BCL11B: variants seen among roughly 807,000 people sequenced by gnomAD.
BCL11B encodes the protein B-cell lymphoma/leukemia 11B.
In BCL11B, 8 loss-of-function variants were observed where a neutral mutation model predicts 49.9. The observed-to-expected ratio is 0.16, with a 90% CI of 0.09 to 0.29. The LOEUF (loss-of-function observed/expected upper bound fraction) is 0.29, where lower values mean the gene tolerates loss of function less well. Ranked by LOEUF, BCL11B falls within the 10% of genes least tolerant of loss-of-function variation. BCL11B has a pLI of 1.00. For synonymous variants in BCL11B, 739 were observed against 637.4 expected, an observed-to-expected ratio of 1.16 and a Z score of -2.40; for missense variants, 1,006 against 1,351.0, an observed-to-expected ratio of 0.74 and a Z score of 4.00.
chr14:99,244,664 G>C (rs1375553452), intron 2 of BCL11B, among the ~76,000 whole-genome samples: 1 of 152,180 alleles, frequency 6.6e-6, no homozygotes, highest in East Asian at 1.9e-4. Flanking sequence ...CCCAAGTGTT[G>C]AATTTGTTAC....
chr14:99,200,368 G>A (rs1887341516), intron 3 of BCL11B, among the ~76,000 whole-genome samples: 1 of 152,220 alleles, frequency 6.6e-6, no homozygotes, highest in East Asian at 1.9e-4. Context: ...CCAGGGCCGT[G>A]CCAGGCCAAG....
At position 99,242,938 on chromosome 14, in the gene BCL11B, C is replaced by T. The variant is rs1180049508; in HGVS notation, c.428-11381G>A. ...GCCAATTTTTGTTAGCTCTGAGAGG[C>T]GGTGAGAATTTCCTCACTGGTCCGC... On this transcript the variant is annotated intron_variant, in intron 2 of 3. Coordinates refer to ENST00000357195, the MANE Select transcript of BCL11B (RefSeq NM_138576.4). The surrounding 1 kb of genome is among the most constrained non-coding windows in gnomAD (Gnocchi z 4.4). Among the ~76,000 whole-genome samples, 3 of 152,148 alleles carry T rather than the reference C, an allele frequency of 2.0e-5. No individual in the cohort carries two copies. Among genetic ancestry groups the T allele is most frequent in the African/African-American group, 4.8e-5 (2 of 41,438 alleles).
chr14:99,225,737 G>A (rs1322256879), intron 3 of BCL11B, among the ~76,000 whole-genome samples: 2 of 152,192 alleles, frequency 1.3e-5, no homozygotes, highest in Non-Finnish European at 2.9e-5. Flanking sequence ...GTATGGATTT[G>A]AACAGAATTC....
chr14:99,245,723 G>A (rs1441331310), intron 2 of BCL11B, among the ~76,000 whole-genome samples: 10 of 152,170 alleles, frequency 6.6e-5, no homozygotes, highest in African/African-American at 2.4e-4. Flanking sequence ...CATTCCCCAT[G>A]CCCGAGAAGG....
At chr14:99,230,417 C>T (rs1427075071) in intron 3 of BCL11B, among the ~76,000 whole-genome samples, 2 of 152,252 alleles carry the variant, frequency 1.3e-5, no homozygotes, top group Non-Finnish European at 2.9e-5. Flanking sequence ...GCCACAGAAA[C>T]CAGGCCACGG....
chr14:99,211,084 C>A (rs898536349), intron 3 of BCL11B, among the ~76,000 whole-genome samples: 2 of 152,184 alleles, frequency 1.3e-5, no homozygotes, highest in Non-Finnish European at 2.9e-5. Flanking sequence ...CCGTCCTGAG[C>A]CATCCACACA....
chr14:99,221,545 T>TAG (rs1295425271), intron 3 of BCL11B, among the ~76,000 whole-genome samples: 1 of 152,208 alleles, frequency 6.6e-6, no homozygotes, highest in African/African-American at 2.4e-5. Flanking sequence ...CCTTGGCTGT[T>TAG]CCTACTCACA....
intron 3 of BCL11B, among the ~76,000 whole-genome samples, chr14:99,208,225 A>T (rs1209598281): frequency 6.6e-6 from 1 of 152,120 alleles, no homozygotes; most frequent in African/African-American, 2.4e-5. Flanking sequence ...TTGGAGTGGC[A>T]CAATTTGAAC....
chr14:99,197,745 G>GAC (rs1426912749), intron 3 of BCL11B, among the ~76,000 whole-genome samples: 1 of 152,202 alleles, frequency 6.6e-6, no homozygotes, highest in Non-Finnish European at 1.5e-5. Context: ...GAAGCAGACA[G>GAC]ACGGCTGGAG....
chr14:99,205,460 C>T lies in BCL11B; in HGVS notation c.640+25885G>A, dbSNP rs554768876. 9.9e-5 allele frequency among the ~76,000 whole-genome samples: 15 copies of T among 152,282 alleles called. No individual in the cohort carries two copies. Among genetic ancestry groups the T allele is most frequent in the African/African-American group, 1.7e-4 (7 of 41,564 alleles). On this transcript the variant is annotated intron_variant, in intron 3 of 3. Coordinates refer to ENST00000357195, the MANE Select transcript of BCL11B (RefSeq NM_138576.4). This position sits in a 1 kb window ranked among gnomAD's most constrained non-coding sequence, Gnocchi z 5.0. Reference sequence around the variant, plus strand: ...CACTTCTACAATGACTGGTTAAATGCGCCCAAGGACCAGGCGCTCGCTACA... The same window carrying T: ...CACTTCTACAATGACTGGTTAAATGTGCCCAAGGACCAGGCGCTCGCTACA...
intron 3 of BCL11B, among the ~76,000 whole-genome samples, chr14:99,208,992 G>A (rs542955375): frequency 9.0e-4 from 137 of 152,298 alleles, no homozygotes; most frequent in Middle Eastern, 3.4e-3. Context: ...GACACCTCCC[G>A]GGAAGCAGAG....
intron 2 of BCL11B, among the ~76,000 whole-genome samples, chr14:99,254,448 C>T (rs1488005530): frequency 6.6e-6 from 1 of 152,188 alleles, no homozygotes; most frequent in Non-Finnish European, 1.5e-5. Flanking sequence ...TCTAGAAGCA[C>T]CTGGTAGCAA....
At chr14:99,207,408 C>CT (rs1404309228) in intron 3 of BCL11B, among the ~76,000 whole-genome samples, 4 of 152,152 alleles carry the variant, frequency 2.6e-5, no homozygotes, top group Non-Finnish European at 5.9e-5. Flanking sequence ...GTCCCTCTAG[C>CT]TGAGACCTTG....
At position 99,231,617 on chromosome 14, in the gene BCL11B, G is replaced by T. The variant is rs933685848; in HGVS notation, c.428-60C>A. ...GGGCCCTGGACTGTGTGAGGGGCAC[G>T]GGGTGGGACGGGGCTCGGGGCGTGG... is the stretch of plus-strand genomic sequence containing the variant. On this transcript the variant is annotated intron_variant, in intron 2 of 3. Transcript: ENST00000357195. The surrounding 1 kb of genome is among the most constrained non-coding windows in gnomAD (Gnocchi z 8.1). 1.2e-5 allele frequency: 18 copies of T among 1,500,074 alleles called. No individual in the cohort carries two copies. In the South Asian group the frequency reaches 1.8e-4, roughly 15 times the overall value. 92.9% of individuals were successfully genotyped at this position (1,500,074 alleles called of 1,614,324 possible).
At position 99,172,343 on chromosome 14, in the gene BCL11B, T is replaced by C. The variant is rs1886318148; in HGVS notation, c.*1808A>G. On this transcript the variant is annotated 3_prime_UTR_variant, in exon 4 of 4. Transcript: ENST00000357195. ...TGGATGTCCAAGGTTGTGCTGGGTT[T>C]ATTTCTTCATTTGATTGGGTCTTAT... 3 of 225,244 alleles carry C rather than the reference T, an allele frequency of 1.3e-5. No homozygotes were observed. In the South Asian group the frequency reaches 5.5e-4, roughly 41 times the overall value. 14.0% of individuals were successfully genotyped at this position (225,244 alleles called of 1,614,324 possible).
Position 99,247,895 on chromosome 14 carries a change from A to AT in BCL11B, c.427+9575dup, listed in dbSNP as rs1888893290. Among the ~76,000 whole-genome samples the AT allele has an allele frequency of 6.6e-6, 1 of 152,170 alleles. No individual in the cohort carries two copies. Among genetic ancestry groups the AT allele is most frequent in the Non-Finnish European group, 1.5e-5 (1 of 68,006 alleles). On this transcript the variant is annotated intron_variant, in intron 2 of 3. Transcript: ENST00000357195. This position sits in a 1 kb window ranked among gnomAD's most constrained non-coding sequence, Gnocchi z 4.5. The stretch of plus-strand genomic sequence containing the variant: ...AGGCACTCAGCCCCCAGGGCAGGGG[A>AT]TGGGGGGAAAACAGCCCTGATCAAA...
chr14:99,226,324 C>A (rs1888159849), intron 3 of BCL11B, among the ~76,000 whole-genome samples: 1 of 152,198 alleles, frequency 6.6e-6, no homozygotes, highest in Non-Finnish European at 1.5e-5. Context: ...CGACGGAGCT[C>A]TGCTGTCCAC....
At chr14:99,244,183 C>G (rs1000075262) in intron 2 of BCL11B, among the ~76,000 whole-genome samples, 3 of 152,024 alleles carry the variant, frequency 2.0e-5, no homozygotes, top group African/African-American at 7.2e-5. Context: ...ACTGTTGAGC[C>G]GTCAAAATAA....
In BCL11B at chr14:99,242,258, T is replaced by A. The variant is rs1888691967; in HGVS notation, c.428-10701A>T. On this transcript the variant is annotated intron_variant, in intron 2 of 3. Transcript: ENST00000357195. This position sits in a 1 kb window ranked among gnomAD's most constrained non-coding sequence, Gnocchi z 4.4. Reference sequence around the variant, plus strand: ...TGGAAGACCCAGTTCATACAGACAATATTTACATGGGCGTTGCATGATCTT... The same window carrying A: ...TGGAAGACCCAGTTCATACAGACAAAATTTACATGGGCGTTGCATGATCTT... Among the ~76,000 whole-genome samples the A allele has an allele frequency of 6.6e-6, 1 of 152,184 alleles. No individual in the cohort carries two copies. The highest frequency in any genetic ancestry group is 6.5e-5 in the Admixed American group (1 of 15,284).
Sources: gnomAD v4.1 joint callset for allele counts (sites outside exome capture counted in the v4.1 genomes callset) on GRCh38, gnomAD v4.1.1 for gene constraint, Gnocchi (gnomAD v3.1) non-coding constraint, MANE v1.5 for transcripts, NCBI Gene and HGNC (gene_info 2026-07-23, HGNC 2026-07-21) for gene names.